FOXN3: variants seen among roughly 807,000 people sequenced by gnomAD.
The protein encoded by FOXN3 is forkhead box N3, also known as forkhead box protein N3.
A neutral mutation model predicts 38.4 loss-of-function variants in FOXN3; 7 were observed. That is an observed-to-expected ratio of 0.18 (90% CI 0.10 to 0.34). The LOEUF is 0.34. FOXN3 is among the 10% of genes least tolerant of loss of function. The pLI is 1.00. For synonymous variants in FOXN3, 230 were observed against 242.2 expected (o/e 0.95, Z 0.47); for missense variants, 456 against 613.4 (o/e 0.74, Z 2.71).
chr14:89,576,428 G>C (rs985901068), intron 1 of FOXN3: 7 of 151,558 alleles, frequency 4.6e-5, no homozygotes, highest in African/African-American at 1.7e-4. Context: ...GTTAGACTGG[G>C]ACCTTTGAGC....
chr14:89,240,664 G>A (rs1001848145), intron 4 of FOXN3, among the ~76,000 whole-genome samples: 5 of 152,258 alleles, frequency 3.3e-5, no homozygotes, highest in Admixed American at 2.0e-4. Context: ...GCTGTCAAAT[G>A]ATACAGAGGA....
chr14:89,444,908 C>T (rs1892461871), intron 1 of FOXN3, among the ~76,000 whole-genome samples: 1 of 152,000 alleles, frequency 6.6e-6, no homozygotes, highest in African/African-American at 2.4e-5. Flanking sequence ...ATCCGTTGAG[C>T]CCAGGAGTTC....
chr14:89,441,083 C>T (rs181463947), intron 1 of FOXN3, among the ~76,000 whole-genome samples: 143 of 152,250 alleles, frequency 9.4e-4, no homozygotes, highest in Middle Eastern at 3.4e-3. Flanking sequence ...GGCCGAGGCT[C>T]CGGCTTCCCT....
At chr14:89,242,466 T>C (rs1365143992) in intron 4 of FOXN3, among the ~76,000 whole-genome samples, 1 of 152,130 alleles carries the variant, frequency 6.6e-6, no homozygotes, top group Non-Finnish European at 1.5e-5. Context: ...AGACAAAGAA[T>C]TACTATAAAA....
At chr14:89,557,284 A>G (rs1895146463) in intron 1 of FOXN3, among the ~76,000 whole-genome samples, 1 of 152,178 alleles carries the variant, frequency 6.6e-6, no homozygotes, top group Non-Finnish European at 1.5e-5. Context: ...AAAGATAAGA[A>G]AAAGTCTTCT....
At chr14:89,352,027 G>T (rs1596205231) in intron 2 of FOXN3, among the ~76,000 whole-genome samples, 1 of 152,292 alleles carries the variant, frequency 6.6e-6, no homozygotes, top group Non-Finnish European at 1.5e-5. Flanking sequence ...TCAGCAAGCC[G>T]TGCAACTGGA....
chr14:89,510,291 A>G (rs1894031174), intron 1 of FOXN3, among the ~76,000 whole-genome samples: 1 of 152,186 alleles, frequency 6.6e-6, no homozygotes, highest in Non-Finnish European at 1.5e-5. Context: ...TTCTCTTAAC[A>G]AGTAGAATCT....
chr14:89,223,057 C>T (rs1002224606), intron 4 of FOXN3: 55 of 152,266 alleles, frequency 3.6e-4, no homozygotes, highest in African/African-American at 1.1e-3. Flanking sequence ...ATGTGAGCCA[C>T]CGCAACTGGC....
At chr14:89,254,462 C>T (rs1885556551) in intron 4 of FOXN3, among the ~76,000 whole-genome samples, 1 of 152,168 alleles carries the variant, frequency 6.6e-6, no homozygotes, top group African/African-American at 2.4e-5. Flanking sequence ...CACGGCCAGA[C>T]AGACAGCTCG....
At chr14:89,186,161 C>G (rs1267065994) in intron 4 of FOXN3, among the ~76,000 whole-genome samples, 1 of 152,172 alleles carries the variant, frequency 6.6e-6, no homozygotes, top group Non-Finnish European at 1.5e-5. Context: ...GCCTTTCCAC[C>G]TGCTTACTTG....
chr14:89,505,449 A>AT (rs1323910400), intron 1 of FOXN3, among the ~76,000 whole-genome samples: 2 of 151,806 alleles, frequency 1.3e-5, no homozygotes, highest in African/African-American at 2.4e-5. Flanking sequence ...TGGTTTTCGT[A>AT]TTTTTTTGGT....
chr14:89,442,174 C>A (rs1488830572), intron 1 of FOXN3, among the ~76,000 whole-genome samples: 1 of 152,110 alleles, frequency 6.6e-6, no homozygotes, highest in Admixed American at 6.5e-5. Context: ...GATCCATCCA[C>A]CTCAGCCTCC....
rs372772456 is a variant in FOXN3 at position 89,543,579 on chromosome 14, T to A, written c.-15+75449A>T. ...AAAAGGGAGCCAGTGGCAGAAAATC[T>A]ATTCCTCCGGCAAGGTTGCTGGGCA... On this transcript the variant is annotated intron_variant, in intron 1 of 6. Transcript: ENST00000345097. Among the ~76,000 whole-genome samples, 21 of 152,334 alleles carry A rather than the reference T, an allele frequency of 1.4e-4. No individual in the cohort carries two copies. In the East Asian group the frequency reaches 1.9e-3, roughly 14 times the overall value.
At chr14:89,496,228 T>C (rs1467100861) in intron 1 of FOXN3, among the ~76,000 whole-genome samples, 1 of 151,960 alleles carries the variant, frequency 6.6e-6, no homozygotes, top group Non-Finnish European at 1.5e-5. Context: ...AAAGAGTACT[T>C]GACTAGAGTT....
intron 1 of FOXN3, among the ~76,000 whole-genome samples, chr14:89,443,878 G>A (rs1596275917): frequency 6.6e-6 from 1 of 152,136 alleles, no homozygotes; most frequent in African/African-American, 2.4e-5. Flanking sequence ...GCATGGTGGT[G>A]CATGCCTGTA....
chr14:89,199,817 T>A (rs1031743220), intron 4 of FOXN3, among the ~76,000 whole-genome samples: 5 of 152,054 alleles, frequency 3.3e-5, no homozygotes, highest in Non-Finnish European at 7.4e-5. Context: ...GGCAGGAGAA[T>A]CACTGGAATC....
chr14:89,464,078 C>CTGACTTCCATGCTGCTTTTCT (rs1892919578), intron 1 of FOXN3, among the ~76,000 whole-genome samples: 1 of 152,160 alleles, frequency 6.6e-6, no homozygotes, highest in Non-Finnish European at 1.5e-5. Context: ...GCCACCGCGC[C>CTGACTTCCATGCTGCTTTTCT]CGGCCTGGTA....
chr14:89,212,656 G>T (rs937328656), intron 4 of FOXN3, among the ~76,000 whole-genome samples: 1 of 152,172 alleles, frequency 6.6e-6, no homozygotes, highest in Admixed American at 6.5e-5. Context: ...GCTGGCCTGG[G>T]TCCCCCTCCT....
chr14:89,211,196 GA>G (rs1190336704), intron 4 of FOXN3, among the ~76,000 whole-genome samples: 2 of 152,326 alleles, frequency 1.3e-5, no homozygotes, highest in African/African-American at 4.8e-5. Flanking sequence ...GGAGGGACCT[GA>G]GCCCAGATTC....
Sources: allele counts gnomAD v4.1 joint callset (sites outside exome capture counted in the v4.1 genomes callset), GRCh38; gene constraint gnomAD v4.1.1; transcripts MANE v1.5; gene names NCBI Gene and HGNC (gene_info 2026-07-23, HGNC 2026-07-21).